DPP10: variants seen among roughly 807,000 people sequenced by gnomAD.
DPP10 encodes the protein inactive dipeptidyl peptidase 10.
DPP10 carries 33 observed loss-of-function variants against 120.9 expected under a neutral mutation model. The ratio of observed to expected loss-of-function variants is 0.27; its 90% CI spans 0.21 to 0.37. The LOEUF (loss-of-function observed/expected upper bound fraction) is 0.37, where lower values mean the gene tolerates loss of function less well. Among genes scored for constraint, DPP10 ranks in the 10% least tolerant of loss-of-function variants. The pLI is 1.00. For synonymous variants in DPP10, 337 were observed against 326.1 expected (o/e 1.03, Z -0.36); for missense variants, 816 against 942.8 (o/e 0.87, Z 1.76).
intron 1 of DPP10, among the ~76,000 whole-genome samples, chr2:114,938,885 A>G (rs968287670): frequency 2.6e-5 from 4 of 151,964 alleles, no homozygotes; most frequent in Non-Finnish European, 5.9e-5. Context: ...AACTTTAATC[A>G]AAGTTATTAG....
At chr2:115,787,761 C>T (rs866249748) in intron 17 of DPP10, among the ~76,000 whole-genome samples, 7 of 152,022 alleles carry the variant, frequency 4.6e-5, no homozygotes, top group East Asian at 1.9e-4. Context: ...ACCACACTAG[C>T]GCACATCATT....
At chr2:114,600,738 C>G (rs764342829) in intron 1 of DPP10, among the ~76,000 whole-genome samples, 6 of 151,824 alleles carry the variant, frequency 4.0e-5, no homozygotes, top group Non-Finnish European at 8.8e-5. Context: ...GAAACCTCAG[C>G]TCTTATGCAT....
chr2:115,319,659 T>A (rs1437139669), intron 2 of DPP10, among the ~76,000 whole-genome samples: 1 of 152,194 alleles, frequency 6.6e-6, no homozygotes, highest in East Asian at 1.9e-4. Context: ...AATGTCTTAG[T>A]TCATTTGTGC....
chr2:114,601,164 G>A (rs1692333081), intron 1 of DPP10, among the ~76,000 whole-genome samples: 1 of 151,796 alleles, frequency 6.6e-6, no homozygotes, highest in Admixed American at 6.6e-5. Context: ...GCTGATACAT[G>A]CTTGGCACTC....
chr2:114,973,531 G>C (rs934449299), intron 1 of DPP10, among the ~76,000 whole-genome samples: 2 of 151,426 alleles, frequency 1.3e-5, no homozygotes, highest in South Asian at 2.1e-4. Flanking sequence ...GCGTGGTGGC[G>C]GGTGCCTGTA....
intron 1 of DPP10, among the ~76,000 whole-genome samples, chr2:115,106,557 C>T (rs1304988623): frequency 6.6e-6 from 1 of 152,164 alleles, no homozygotes; most frequent in Non-Finnish European, 1.5e-5. Context: ...ATTTCCCAGG[C>T]TCAAGCGATC....
chr2:114,606,145 T>C (rs1284410083), intron 1 of DPP10, among the ~76,000 whole-genome samples: 4 of 152,142 alleles, frequency 2.6e-5, no homozygotes, highest in Non-Finnish European at 5.9e-5. Flanking sequence ...TCTTAATATA[T>C]TGACTCAGGT....
chr2:115,343,361 T>A (rs1559457384), intron 2 of DPP10, among the ~76,000 whole-genome samples: 1 of 152,188 alleles, frequency 6.6e-6, no homozygotes, highest in Non-Finnish European at 1.5e-5. Flanking sequence ...TTGGTAAACT[T>A]CTTTCTGACT....
rs376618746 is a variant in DPP10, at chr2:115,720,658, T to C, written c.577-7158T>C. 9.9e-5 allele frequency among the ~76,000 whole-genome samples: 15 copies of C among 152,264 alleles called. No individual in the cohort carries two copies. The East Asian group carries it at 1.4e-3, about 14-fold the overall frequency. On this transcript the variant is annotated intron_variant, in intron 7 of 25. Coordinates refer to ENST00000410059, the MANE Select transcript of DPP10 (RefSeq NM_020868.6). ...ATATAGCATGTTGGAGGTTTCTATG[T>C]GAAATAGAAACCTAATAGTGATTCT...
chr2:114,505,093 A>ACAC (rs1491316388), intron 1 of DPP10, among the ~76,000 whole-genome samples: 1 of 150,946 alleles, frequency 6.6e-6, no homozygotes, highest in Admixed American at 6.6e-5. Flanking sequence ...AACTGAGGTA[A>ACAC]CACAGATCAA....
At chr2:115,057,509 A>G (rs1559042955) in intron 1 of DPP10, among the ~76,000 whole-genome samples, 1 of 152,186 alleles carries the variant, frequency 6.6e-6, no homozygotes, top group African/African-American at 2.4e-5. Context: ...TGATAAGGCA[A>G]CCAGAGGCTC....
chr2:115,642,875 T>C (rs988726021), intron 5 of DPP10, among the ~76,000 whole-genome samples: 2 of 152,174 alleles, frequency 1.3e-5, no homozygotes, highest in Non-Finnish European at 2.9e-5. Flanking sequence ...ATTTAAAATA[T>C]ACTATGTTGT....
intron 21 of DPP10, among the ~76,000 whole-genome samples, chr2:115,832,259 C>T (rs1030519650): frequency 2.6e-5 from 4 of 152,150 alleles, no homozygotes; most frequent in Non-Finnish European, 4.4e-5. Flanking sequence ...GAGGCCAAGG[C>T]GAGTGGATCA....
intron 1 of DPP10, among the ~76,000 whole-genome samples, chr2:114,528,410 G>C (rs1342073985): frequency 6.6e-6 from 1 of 152,096 alleles, no homozygotes; most frequent in African/African-American, 2.4e-5. Context: ...GCAGGGTCTA[G>C]CTGCTCCACC....
chr2:115,419,423 AAG>A (rs1013707715), intron 3 of DPP10, among the ~76,000 whole-genome samples: 1 of 152,080 alleles, frequency 6.6e-6, no homozygotes. Flanking sequence ...GAGAGACAGC[AAG>A]AGAGAGAGGG....
At chr2:115,670,911 T>C (rs2089824594) in intron 5 of DPP10, among the ~76,000 whole-genome samples, 1 of 152,102 alleles carries the variant, frequency 6.6e-6, no homozygotes, top group South Asian at 2.1e-4. Flanking sequence ...GGCAAAAAAT[T>C]GAGTCACATG....
chr2:115,805,597 G>T (rs1221879526), intron 19 of DPP10, among the ~76,000 whole-genome samples: 1 of 145,696 alleles, frequency 6.9e-6, no homozygotes, highest in Admixed American at 6.8e-5. Flanking sequence ...TTTTTGAGAC[G>T]CAGTCTCACT....
intron 11 of DPP10, among the ~76,000 whole-genome samples, chr2:115,755,892 T>C (rs1003642833): frequency 1.5e-4 from 23 of 151,118 alleles, no homozygotes; most frequent in Non-Finnish European, 1.0e-4. Context: ...AGCATACATA[T>C]ATACTTTTTA....
intron 1 of DPP10, among the ~76,000 whole-genome samples, chr2:114,849,456 C>G (rs1010935505): frequency 1.3e-5 from 2 of 152,104 alleles, no homozygotes; most frequent in Non-Finnish European, 2.9e-5. Flanking sequence ...CTCAAATGAT[C>G]CTCCTGCTTC....
Sources: gnomAD v4.1 joint callset for allele counts (sites outside exome capture counted in the v4.1 genomes callset) on GRCh38, gnomAD v4.1.1 for gene constraint, MANE v1.5 for transcripts, NCBI Gene and HGNC (gene_info 2026-07-23, HGNC 2026-07-21) for gene names.